Variants in NCKAP5 observed in about 807,000 individuals in gnomAD.
NCKAP5 encodes the protein NCK associated protein 5.
In NCKAP5, 92 loss-of-function variants were observed where a neutral mutation model predicts 167.0. That is an observed-to-expected ratio of 0.55 (90% confidence interval 0.47 to 0.66). The LOEUF is 0.66. Among genes scored for constraint, NCKAP5 ranks in the 30% least tolerant of loss-of-function variants. NCKAP5 has a pLI of 0.00. For missense variants in NCKAP5, 2,378 were observed against 2,315.0 expected, an observed-to-expected ratio of 1.03 and a Z score of -0.56; for synonymous variants, 891 against 877.4, an observed-to-expected ratio of 1.02 and a Z score of -0.27.
rs1310334607 is a variant in NCKAP5, at chr2:133,567,478, T to A, written c.-130+738A>T. On this transcript the variant is annotated intron_variant, in intron 1 of 19. Transcript: ENST00000409261. Reference sequence around the variant, plus strand: ...AGAACATGTGGATTTTGTATACCGATCTAGCTCAGTGTCAAAGTTTGCCTT... The same window carrying A: ...AGAACATGTGGATTTTGTATACCGAACTAGCTCAGTGTCAAAGTTTGCCTT... Among the ~76,000 whole-genome samples, 3 of 152,174 alleles carry A rather than the reference T, an allele frequency of 2.0e-5. 1 individual carries two copies. Among genetic ancestry groups the A allele is most frequent in the Non-Finnish European group, 4.4e-5 (3 of 68,038 alleles).
intron 16 of NCKAP5, among the ~76,000 whole-genome samples, chr2:132,750,444 C>G (rs57308153): frequency 2.0e-5 from 3 of 151,956 alleles, no homozygotes; most frequent in Non-Finnish European, 4.4e-5. Context: ...TTAGAAAATG[C>G]GTATTTTATG....
chr2:133,278,720 C>T (rs965974825), intron 4 of NCKAP5, among the ~76,000 whole-genome samples: 3 of 127,886 alleles, frequency 2.3e-5, no homozygotes, highest in Non-Finnish European at 4.9e-5. Flanking sequence ...AGACGTCTGA[C>T]AAAATGGGAG....
chr2:132,720,887 T>C (rs1222843436), intron 19 of NCKAP5, among the ~76,000 whole-genome samples: 1 of 152,100 alleles, frequency 6.6e-6, no homozygotes, highest in East Asian at 1.9e-4. Context: ...GGGAGGCACC[T>C]GTAATCTCAG....
intron 3 of NCKAP5, among the ~76,000 whole-genome samples, chr2:133,515,727 G>A (rs1045281347): frequency 2.6e-5 from 4 of 152,176 alleles, no homozygotes; most frequent in Admixed American, 6.5e-5. Context: ...ATTTAAATAT[G>A]AGCATTGACA....
At chr2:133,022,697 G>C (rs2078567983) in intron 6 of NCKAP5, among the ~76,000 whole-genome samples, 1 of 152,130 alleles carries the variant, frequency 6.6e-6, no homozygotes, top group African/African-American at 2.4e-5. Context: ...TCGGAAGATG[G>C]TAATATGCTT....
chr2:133,565,784 A>G (rs1359526670), intron 1 of NCKAP5, among the ~76,000 whole-genome samples: 2 of 152,256 alleles, frequency 1.3e-5, no homozygotes, highest in Non-Finnish European at 2.9e-5. Context: ...CAGCACAGTA[A>G]TGTGGTAATT....
chr2:132,860,641 G>T, intron 10 of NCKAP5, 30 bp from the exon 11 acceptor site: 1 of 1,550,896 alleles, frequency 6.4e-7, no homozygotes, highest in Admixed American at 2.0e-5. Context: ...GGAGGAAAAA[G>T]TCCATAACTG....
chr2:132,694,084 G>T (rs183668769), intron 19 of NCKAP5, among the ~76,000 whole-genome samples: 5 of 149,680 alleles, frequency 3.3e-5, no homozygotes, highest in Admixed American at 3.3e-4. Flanking sequence ...GATGGGAAAA[G>T]GAAGACAAGT....
intron 19 of NCKAP5, among the ~76,000 whole-genome samples, chr2:132,689,609 T>C (rs1041772257): frequency 6.6e-6 from 1 of 152,112 alleles, no homozygotes; most frequent in East Asian, 1.9e-4. Flanking sequence ...GGCAACCAAC[T>C]CCTCTCATGC....
intron 3 of NCKAP5, among the ~76,000 whole-genome samples, chr2:133,457,273 C>G (rs916048968): frequency 6.6e-6 from 1 of 152,124 alleles, no homozygotes; most frequent in African/African-American, 2.4e-5. Context: ...CATTTTGGAA[C>G]TGAATTTAGA....
chr2:133,361,382 C>G (rs1006992583), intron 3 of NCKAP5, among the ~76,000 whole-genome samples: 2 of 152,196 alleles, frequency 1.3e-5, no homozygotes, highest in African/African-American at 4.8e-5. Flanking sequence ...GATAGATCCT[C>G]AGGGATTTCC....
At chr2:132,786,986 A>C (rs2105082685) in intron 13 of NCKAP5, among the ~76,000 whole-genome samples, 1 of 152,310 alleles carries the variant, frequency 6.6e-6, no homozygotes, top group Middle Eastern at 3.4e-3. Flanking sequence ...AATAGAGATC[A>C]CAGGTTACCC....
chr2:132,801,545 T>C (rs1361075793), intron 11 of NCKAP5, among the ~76,000 whole-genome samples: 1 of 152,200 alleles, frequency 6.6e-6, no homozygotes, highest in Non-Finnish European at 1.5e-5. Context: ...GAGACCTGCT[T>C]TCTGTCACTA....
At chr2:133,514,862 G>T (rs767026973) in intron 3 of NCKAP5, among the ~76,000 whole-genome samples, 1 of 151,972 alleles carries the variant, frequency 6.6e-6, no homozygotes, top group Non-Finnish European at 1.5e-5. Context: ...TAACCTCTCT[G>T]GGCCTTAAGC....
intron 6 of NCKAP5, among the ~76,000 whole-genome samples, chr2:133,047,803 T>C (rs1430045781): frequency 6.6e-6 from 1 of 152,196 alleles, no homozygotes; most frequent in Non-Finnish European, 1.5e-5. Context: ...ACACTAACCA[T>C]TCTGATTAAC....
chr2:133,415,965 T>C (rs111631772), intron 3 of NCKAP5, among the ~76,000 whole-genome samples: 2,841 of 152,232 alleles, frequency 0.019, 92 homozygotes, highest in African/African-American at 0.062. Flanking sequence ...AAACAACTTG[T>C]TTGGATTTTG....
chr2:132,843,572 TTTGTCACTGTAAGTTTTTC>T, intron 11 of NCKAP5, among the ~76,000 whole-genome samples: 1 of 151,330 alleles, frequency 6.6e-6, no homozygotes, highest in Non-Finnish European at 1.5e-5. Flanking sequence ...TTTTCCCTTT[TTTGTCACTGTAAGTTTTTC>T]TTTTTTTTTA....
At chr2:133,617,781 T>C in the NCKAP5 span, among the ~76,000 whole-genome samples, 4 of 151,482 alleles carry the variant, frequency 2.6e-5, no homozygotes, top group South Asian at 4.2e-4. Flanking sequence ...AATGACTTTC[T>C]TCACAGAATT....
At chr2:133,533,391 C>G (rs528150783) in intron 2 of NCKAP5, among the ~76,000 whole-genome samples, 129 of 152,328 alleles carry the variant, frequency 8.5e-4, no homozygotes, top group African/African-American at 3.1e-3. Context: ...GTTCACAAAC[C>G]AATATCTCTG....
Sources: gnomAD v4.1 joint callset for allele counts (sites outside exome capture counted in the v4.1 genomes callset) on GRCh38, gnomAD v4.1.1 for gene constraint, MANE v1.5 for transcripts, NCBI Gene and HGNC (gene_info 2026-07-23, HGNC 2026-07-21) for gene names.